Variants in TEX11 observed in about 807,000 individuals in gnomAD.
TEX11 encodes the protein testis expressed 11, also known as testis-expressed protein 11.
In TEX11, 7 loss-of-function variants were observed where a neutral mutation model predicts 84.4. The ratio of observed to expected loss-of-function variants is 0.08; its 90% CI spans 0.05 to 0.16. TEX11 has a LOEUF of 0.16. Among genes scored for constraint, TEX11 ranks in the 10% least tolerant of loss-of-function variants. The pLI is 1.00. For missense variants in TEX11, 551 were observed against 660.5 expected (o/e 0.83, Z 1.82); for synonymous variants, 264 against 222.8 (o/e 1.18, Z -1.64).
chrX:70,731,469 G>A (rs1235920712), intron 11 of TEX11, among the ~76,000 whole-genome samples: 2 of 110,797 alleles, frequency 1.8e-5, no homozygotes, highest in Admixed American at 1.9e-4. Flanking sequence ...TGATAAAGGG[G>A]ATATCACCAC....
chrX:70,706,736 C>T (rs1000977980), intron 13 of TEX11, among the ~76,000 whole-genome samples: 4 of 111,226 alleles, frequency 3.6e-5, no homozygotes, highest in African/African-American at 1.3e-4. Flanking sequence ...ATGACTGGTA[C>T]ATTGTAGGAA....
At chrX:70,576,638 A>T (rs931502725) in intron 25 of TEX11, among the ~76,000 whole-genome samples, 2 of 112,460 alleles carry the variant, frequency 1.8e-5, no homozygotes, top group Non-Finnish European at 3.8e-5. Flanking sequence ...ATATACACAC[A>T]TTTTATAAGA....
chrX:70,600,170 C>T (rs948756204), intron 24 of TEX11, among the ~76,000 whole-genome samples: 5 of 111,670 alleles, frequency 4.5e-5, no homozygotes, highest in African/African-American at 1.6e-4. Flanking sequence ...TCCACATCCT[C>T]TCCAGCACCT....
Position 70,794,574 on chromosome X carries a change from TG to T in TEX11, c.692+12130del, listed in dbSNP as rs200620359. Reference sequence around the variant, plus strand: ...TCCAAGAGACCCCCTTCCTTCTGCTTGAGGAGAGGAAAGGGAAGAGTAAACA... The same window carrying T: ...TCCAAGAGACCCCCTTCCTTCTGCTTAGGAGAGGAAAGGGAAGAGTAAACA... On this transcript the variant is annotated intron_variant, in intron 9 of 29. Transcript: ENST00000374333. 5.5e-3 allele frequency among the ~76,000 whole-genome samples: 597 copies of T among 107,864 alleles called. 2 individuals are homozygous for T. The highest frequency in any genetic ancestry group is 0.019 in the African/African-American group (549 of 29,641). 93.7% of individuals were successfully genotyped at this position (107,864 alleles called of 115,157 possible). A position where few individuals can be genotyped will look rare whatever the true frequency, so the allele number is the denominator to read the frequency against.
At chrX:70,547,810 C>T (rs968946151) in intron 28 of TEX11, among the ~76,000 whole-genome samples, 2 of 111,961 alleles carry the variant, frequency 1.8e-5, no homozygotes, top group African/African-American at 6.5e-5. Flanking sequence ...AACACTTTTA[C>T]ACTGTTGGTG....
At chrX:70,820,444 G>T (rs759670188) in intron 8 of TEX11, among the ~76,000 whole-genome samples, 121 of 111,991 alleles carry the variant, frequency 1.1e-3, no homozygotes, top group Non-Finnish European at 1.9e-3. Context: ...GGCTGTTCTC[G>T]CATTGCTATA....
chrX:70,790,632 C>A (rs952039809), intron 9 of TEX11, among the ~76,000 whole-genome samples: 1 of 112,109 alleles, frequency 8.9e-6, no homozygotes, highest in Non-Finnish European at 1.9e-5. Context: ...GAGGATAGAG[C>A]AGAGATGGCT....
intron 2 of TEX11, among the ~76,000 whole-genome samples, chrX:70,901,037 G>C (rs2091800614): frequency 9.0e-6 from 1 of 111,720 alleles, no homozygotes; most frequent in South Asian, 3.8e-4. Flanking sequence ...GGGAAACATG[G>C]TGAAACCCTG....
At chrX:70,870,952 G>C (rs192952465) in intron 4 of TEX11, among the ~76,000 whole-genome samples, 1 of 111,738 alleles carries the variant, frequency 8.9e-6, no homozygotes, top group East Asian at 2.8e-4. Flanking sequence ...CACTCTTGTC[G>C]CCCAGGATGG....
At chrX:70,758,199 A>G (rs1478765130) in intron 9 of TEX11, among the ~76,000 whole-genome samples, 1 of 111,839 alleles carries the variant, frequency 8.9e-6, no homozygotes, top group Non-Finnish European at 1.9e-5. Flanking sequence ...CCCACTGTCA[A>G]TATTAGACAG....
intron 8 of TEX11, among the ~76,000 whole-genome samples, chrX:70,818,275 C>G (rs1044334733): frequency 9.4e-6 from 1 of 106,557 alleles, no homozygotes; most frequent in African/African-American, 3.4e-5. Flanking sequence ...GCACTCCAGT[C>G]TGGGTGACAA....
Position 70,605,440 on chromosome X carries a change from A to G in TEX11, c.2028T>C (p.Asp676=), listed in dbSNP as rs1011997026. The G allele has an allele frequency of 8.3e-7, 1 of 1,209,841 alleles. No individual in the cohort carries two copies. The highest frequency in any genetic ancestry group is 2.2e-5 in the Admixed American group (1 of 45,946). Reference sequence around the variant, plus strand: ...TTGAAGCTTTTCTCCCTTGCTCTAGATCAACTGCAACTGCCATAAGTAAAC... The same window carrying G: ...TTGAAGCTTTTCTCCCTTGCTCTAGGTCAACTGCAACTGCCATAAGTAAAC... ...KTCLLMAVAV[D]LEQGRKASTA... The change falls in exon 24 of 30, where the codon GAT becomes GAC. Residue 676 remains aspartate (D), a synonymous_variant. Transcript: ENST00000374333.
chrX:70,637,158 T>A (rs1338968084), intron 17 of TEX11, among the ~76,000 whole-genome samples: 3 of 111,923 alleles, frequency 2.7e-5, no homozygotes, highest in African/African-American at 9.7e-5. Flanking sequence ...TAGCTCAACA[T>A]CACTGATCAT....
intron 7 of TEX11, among the ~76,000 whole-genome samples, chrX:70,840,892 C>T (rs1443476859): frequency 9.0e-6 from 1 of 111,215 alleles, no homozygotes; most frequent in Non-Finnish European, 1.9e-5. Context: ...AAGGCCATTA[C>T]ATAATGGTAA....
intron 24 of TEX11, among the ~76,000 whole-genome samples, chrX:70,598,332 T>C (rs1266172862): frequency 8.9e-6 from 1 of 111,862 alleles, no homozygotes; most frequent in African/African-American, 3.2e-5. Context: ...TTATATTCAC[T>C]AGGACGGCTA....
intron 9 of TEX11, among the ~76,000 whole-genome samples, chrX:70,771,130 G>A (rs1214913517): frequency 8.9e-6 from 1 of 112,189 alleles, no homozygotes; most frequent in Non-Finnish European, 1.9e-5. Context: ...AACCATAAAA[G>A]AAGGATGCTG....
At chrX:70,519,228 C>A in the TEX11 span, among the ~76,000 whole-genome samples, 2 of 111,914 alleles carry the variant, frequency 1.8e-5, no homozygotes, top group Middle Eastern at 4.6e-3. Context: ...TACAATTTGG[C>A]ATGTTTTTGC....
chrX:70,750,966 A>ATATATATAT (rs1411833714), intron 9 of TEX11, among the ~76,000 whole-genome samples: 24 of 84,390 alleles, frequency 2.8e-4, no homozygotes, highest in Admixed American at 5.2e-4. Context: ...ATATATATAT[A>ATATATATAT]AAAGTCAGGA....
intron 17 of TEX11, among the ~76,000 whole-genome samples, chrX:70,648,474 T>G (rs2089773908): frequency 9.0e-6 from 1 of 110,888 alleles, no homozygotes; most frequent in Admixed American, 9.6e-5. Context: ...ATATAATTTT[T>G]ATTTGCCAAT....
Sources: allele counts gnomAD v4.1 joint callset (sites outside exome capture counted in the v4.1 genomes callset), GRCh38; gene constraint gnomAD v4.1.1; transcripts MANE v1.5; gene names NCBI Gene and HGNC (gene_info 2026-07-23, HGNC 2026-07-21).